Variants in CREBBP observed in about 807,000 individuals in gnomAD.
CREBBP encodes CREB binding lysine acetyltransferase, also known as CREB-binding protein.
CREBBP carries 19 observed loss-of-function variants against 265.0 expected under a neutral mutation model. The ratio of observed to expected loss-of-function variants is 0.07; its 90% confidence interval spans 0.05 to 0.11. The LOEUF (loss-of-function observed/expected upper bound fraction) is 0.11. Among genes scored for constraint, CREBBP ranks in the 10% least tolerant of loss-of-function variants. CREBBP has a pLI of 1.00. For missense variants in CREBBP, 2,525 were observed against 3,219.0 expected, an observed-to-expected ratio of 0.78 and a Z score of 5.22; for synonymous variants, 1,457 against 1,223.7, an observed-to-expected ratio of 1.19 and a Z score of -3.98.
intron 2 of CREBBP, among the ~76,000 whole-genome samples, chr16:3,814,427 G>C (rs1345905970): frequency 3.9e-5 from 6 of 152,044 alleles, no homozygotes; most frequent in Non-Finnish European, 8.8e-5. Context: ...GCAAATTTTT[G>C]TATTTTTTAG....
At chr16:3,823,089 A>G (rs1235031392) in intron 2 of CREBBP, among the ~76,000 whole-genome samples, 1 of 152,252 alleles carries the variant, frequency 6.6e-6, no homozygotes, top group East Asian at 1.9e-4. Flanking sequence ...ACACCTATAC[A>G]CAGCAAGGAG....
intron 28 of CREBBP, among the ~76,000 whole-genome samples, chr16:3,734,779 C>G (rs1029906936): frequency 6.6e-6 from 1 of 152,140 alleles, no homozygotes; most frequent in Non-Finnish European, 1.5e-5. Context: ...GCAGTGAGCA[C>G]GAGTGTGTGT....
At chr16:3,848,793 A>C (rs1311757294) in intron 2 of CREBBP, among the ~76,000 whole-genome samples, 2 of 152,220 alleles carry the variant, frequency 1.3e-5, no homozygotes, top group African/African-American at 4.8e-5. Context: ...ACCCATGAGA[A>C]ATTCCTTCTC....
At chr16:3,868,959 C>T (rs1363555503) in intron 1 of CREBBP, among the ~76,000 whole-genome samples, 1 of 152,190 alleles carries the variant, frequency 6.6e-6, no homozygotes, top group Non-Finnish European at 1.5e-5. Context: ...GGCAGAACCA[C>T]ACCTTTAGTC....
intron 28 of CREBBP, among the ~76,000 whole-genome samples, chr16:3,734,304 G>A (rs1027907797): frequency 6.6e-6 from 1 of 152,118 alleles, no homozygotes; most frequent in Non-Finnish European, 1.5e-5. Flanking sequence ...GCTGACGAAG[G>A]CATGTCCCTG....
At chr16:3,828,795 G>C (rs893514905) in intron 2 of CREBBP, among the ~76,000 whole-genome samples, 2 of 152,166 alleles carry the variant, frequency 1.3e-5, no homozygotes, top group African/African-American at 2.4e-5. Context: ...TTTCTGCATA[G>C]GCAGGAAAGT....
chr16:3,726,999 G>C lies in CREBBP; in HGVS notation c.*719C>G, dbSNP rs957490040. The C allele has an allele frequency of 8.6e-6, 2 of 233,528 alleles. No homozygotes were observed. The highest frequency in any genetic ancestry group is 1.8e-4 in the South Asian group (1 of 5,536). The allele number at this position is 233,528 out of a possible 1,614,324, so 14.5% of individuals were successfully genotyped here. On this transcript the variant is annotated 3_prime_UTR_variant, in exon 31 of 31. Coordinates refer to ENST00000262367, the MANE Select transcript of CREBBP (RefSeq NM_004380.3). The stretch of plus-strand genomic sequence containing the variant: ...TTTCACATAGAAGAAAGAAAAGAAG[G>C]CTTCTTCTCTAGTAACATTAGCATG...
chr16:3,804,212 G>A (rs1001816433), intron 3 of CREBBP, among the ~76,000 whole-genome samples: 1 of 152,050 alleles, frequency 6.6e-6, no homozygotes, highest in Non-Finnish European at 1.5e-5. Flanking sequence ...GGAGTCGAAT[G>A]ACCAAGTTCA....
intron 2 of CREBBP, among the ~76,000 whole-genome samples, chr16:3,836,405 G>C (rs1487837729): frequency 1.4e-5 from 2 of 146,944 alleles, no homozygotes; most frequent in Non-Finnish European, 3.0e-5. Context: ...GTACACTCCA[G>C]CCTGGGTGAC....
intron 2 of CREBBP, among the ~76,000 whole-genome samples, chr16:3,823,893 C>T (rs2054188393): frequency 6.6e-6 from 1 of 152,088 alleles, no homozygotes; most frequent in Admixed American, 6.5e-5. Flanking sequence ...TGCCACCCGC[C>T]CCTAGCTCTC....
chr16:3,829,635 T>C (rs1275852769), intron 2 of CREBBP, among the ~76,000 whole-genome samples: 4 of 152,206 alleles, frequency 2.6e-5, no homozygotes, highest in Non-Finnish European at 5.9e-5. Context: ...AGACCTGCCC[T>C]AAGTTAAGTT....
rs2054745092 is a variant in CREBBP at position 3,849,421 on chromosome 16, GTGTGTGTGTGTGTGTGTGTGTGTGTGT to G, written c.798+849_798+875del. 4.0e-3 allele frequency among the ~76,000 whole-genome samples: 34 copies of G among 8,586 alleles called. 1 individual carries two copies. The highest frequency in any genetic ancestry group is 0.026 in the East Asian group (1 of 38). 5.6% of individuals were successfully genotyped at this position (8,586 alleles called of 152,430 possible). ...TGTGTGTGTGTGTGTGTGTGTGTGT[GTGTGTGTGTGTGTGTGTGTGTGTGTGT>G]GTGTGTGTGTGTGTGTGTGTGTGTG... On this transcript the variant is annotated intron_variant, in intron 2 of 30. Transcript: ENST00000262367.
chr16:3,846,645 C>T (rs994364116), intron 2 of CREBBP, among the ~76,000 whole-genome samples: 2 of 152,172 alleles, frequency 1.3e-5, no homozygotes, highest in South Asian at 2.1e-4. Context: ...CTGACAGCTA[C>T]GCGGAGCATG....
chr16:3,868,727 T>C (rs2055230575), intron 1 of CREBBP, among the ~76,000 whole-genome samples: 1 of 152,060 alleles, frequency 6.6e-6, no homozygotes, highest in African/African-American at 2.4e-5. Context: ...GACATCGAGC[T>C]GAGTGTGAAA....
chr16:3,844,658 A>G (rs530901995), intron 2 of CREBBP, among the ~76,000 whole-genome samples: 3 of 152,342 alleles, frequency 2.0e-5, no homozygotes, highest in African/African-American at 7.2e-5. Flanking sequence ...AGGAGAAAAT[A>G]AAAGTATCAA....
chr16:3,793,363 G>C (rs2141285027), intron 4 of CREBBP, 23 bp downstream of exon 4: 1 of 1,613,662 alleles, frequency 6.2e-7, no homozygotes, highest in African/African-American at 1.3e-5. Context: ...TCTACCACTA[G>C]GAGTTCCAAA....
At position 3,728,883 on chromosome 16, in the gene CREBBP, C is replaced by A. The variant is rs2151305766; in HGVS notation, c.6164G>T (p.Ser2055Ile). 1.2e-6 allele frequency: 2 copies of A among 1,611,276 alleles called. No homozygotes were observed. Among genetic ancestry groups the A allele is most frequent in the Non-Finnish European group, 1.7e-6 (2 of 1,179,740 alleles). ...QAAVAGPRMP[S>I]VQPPRSISPS... The stretch of plus-strand genomic sequence containing the variant: ...TGAGATGCTCCTGGGTGGCTGCACG[C>A]TGGGCATCCGGGGCCCAGCCACGGC... Residue 2055 changes from serine to isoleucine, a missense_variant, in exon 31 of 31, where the codon AGC becomes ATC. This residue lies in a region of CREBBP where 275 missense variants were observed against 276.5 expected (regional missense o/e 0.99). Coordinates refer to ENST00000262367, the MANE Select transcript of CREBBP (RefSeq NM_004380.3). The surrounding 1 kb of genome is among the most constrained non-coding windows in gnomAD (Gnocchi z 8.7).
At chr16:3,774,093 C>T (rs2053080233) in intron 12 of CREBBP, among the ~76,000 whole-genome samples, 163 bp from the exon 13 acceptor site, 1 of 152,202 alleles carries the variant, frequency 6.6e-6, no homozygotes, top group South Asian at 2.1e-4. Context: ...TTGCTAAGAA[C>T]TCCCGCGCTC....
chr16:3,877,180 C>T lies in CREBBP; in HGVS notation c.85+2652G>A, dbSNP rs143923053. Reference sequence around the variant, plus strand: ...GGGCACACACCCTGCTCCACTAGGCCCAATTTTCCCCTGGGAGCCTCAGAG... The same window carrying T: ...GGGCACACACCCTGCTCCACTAGGCTCAATTTTCCCCTGGGAGCCTCAGAG... On this transcript the variant is annotated intron_variant, in intron 1 of 30. Coordinates refer to ENST00000262367, the MANE Select transcript of CREBBP (RefSeq NM_004380.3). Among the ~76,000 whole-genome samples the T allele has an allele frequency of 2.4e-3, 361 of 152,234 alleles. 1 individual carries two copies. The highest frequency in any genetic ancestry group is 6.8e-3 in the Middle Eastern group (2 of 294).
Sources: allele counts gnomAD v4.1 joint callset (sites outside exome capture counted in the v4.1 genomes callset), GRCh38; gene constraint gnomAD v4.1.1; regional missense constraint gnomAD v4.1.1; non-coding constraint Gnocchi (gnomAD v3.1); transcripts MANE v1.5; gene names NCBI Gene and HGNC (gene_info 2026-07-23, HGNC 2026-07-21).